Variants in UBE2Q2 observed in about 807,000 individuals in gnomAD.
The protein encoded by UBE2Q2 is ubiquitin conjugating enzyme E2 Q2, also known as ubiquitin-conjugating enzyme E2 Q2.
UBE2Q2 carries 54 observed loss-of-function variants against 59.9 expected under a neutral mutation model. That is an observed-to-expected ratio of 0.90 (90% CI 0.72 to 1.13). UBE2Q2 has a LOEUF of 1.13. Among genes scored for constraint, UBE2Q2 ranks in the 50% most tolerant of loss-of-function variants. The probability of loss-of-function intolerance (pLI) is 0.00; values close to 1 mark genes in which losing one functional copy is unlikely to be tolerated. For synonymous variants in UBE2Q2, 165 were observed against 155.2 expected, an observed-to-expected ratio of 1.06 and a Z score of -0.47; for missense variants, 433 against 441.9, an observed-to-expected ratio of 0.98 and a Z score of 0.18.
At chr15:75,846,397 C>T (rs1160774512) in intron 1 of UBE2Q2, among the ~76,000 whole-genome samples, 1 of 152,008 alleles carries the variant, frequency 6.6e-6, no homozygotes, top group African/African-American at 2.4e-5. Flanking sequence ...GCCGCCACAC[C>T]CGGCTAATTT....
At chr15:75,885,878 T>A (rs1478300550) in intron 9 of UBE2Q2, among the ~76,000 whole-genome samples, 3 of 152,238 alleles carry the variant, frequency 2.0e-5, no homozygotes, top group Non-Finnish European at 4.4e-5. Flanking sequence ...AAAAAGTACT[T>A]CTTTTGTCAT....
At chr15:75,891,953 A>G (rs775693381) in intron 11 of UBE2Q2, among the ~76,000 whole-genome samples, 3 of 152,246 alleles carry the variant, frequency 2.0e-5, no homozygotes, top group South Asian at 2.1e-4. Context: ...ACCTATTTCT[A>G]TGATCAGGAA....
intron 11 of UBE2Q2, among the ~76,000 whole-genome samples, chr15:75,894,440 T>G (rs535468716): frequency 1.3e-5 from 2 of 152,078 alleles, no homozygotes; most frequent in African/African-American, 4.8e-5. Flanking sequence ...GAAAATTAGC[T>G]GGGCATCGTG....
At chr15:75,873,036 ATAGTTTAAAC>A (rs1229596946) in intron 4 of UBE2Q2, among the ~76,000 whole-genome samples, 1 of 152,192 alleles carries the variant, frequency 6.6e-6, no homozygotes, top group Non-Finnish European at 1.5e-5. Context: ...ATTAGTGTTT[ATAGTTTAAAC>A]TAGTTTCTTA....
chr15:75,881,425 A>G (rs1898422389), intron 8 of UBE2Q2, among the ~76,000 whole-genome samples: 1 of 152,030 alleles, frequency 6.6e-6, no homozygotes, highest in Admixed American at 6.6e-5. Flanking sequence ...TGGGAGGTAA[A>G]TGGCTGAATT....
intron 5 of UBE2Q2, among the ~76,000 whole-genome samples, chr15:75,875,015 C>T (rs910841075): frequency 6.3e-4 from 96 of 152,284 alleles, no homozygotes; most frequent in African/African-American, 2.3e-3. Context: ...GAAATTTAGT[C>T]AAGCCCCCAT....
At chr15:75,894,123 T>C (rs561640068) in intron 11 of UBE2Q2, among the ~76,000 whole-genome samples, 1 of 152,340 alleles carries the variant, frequency 6.6e-6, no homozygotes, top group East Asian at 1.9e-4. Context: ...AAATTAAAAC[T>C]GCAGAATATC....
At chr15:75,874,399 T>C (rs1168681571) in intron 5 of UBE2Q2, among the ~76,000 whole-genome samples, 1 of 151,776 alleles carries the variant, frequency 6.6e-6, no homozygotes, top group Non-Finnish European at 1.5e-5. Flanking sequence ...TTCTCCTGCC[T>C]CACCCTCCTG....
chr15:75,881,055 G>A (rs1431602978), intron 8 of UBE2Q2, among the ~76,000 whole-genome samples: 2 of 152,004 alleles, frequency 1.3e-5, no homozygotes, highest in Admixed American at 1.3e-4. Context: ...TAAAATATGA[G>A]TCTGGTATAT....
chr15:75,887,408 C>T (rs1203968882), intron 9 of UBE2Q2, among the ~76,000 whole-genome samples: 1 of 152,046 alleles, frequency 6.6e-6, no homozygotes, highest in Non-Finnish European at 1.5e-5. Flanking sequence ...GAAAAGTAAA[C>T]ACAATCAGTT....
intron 1 of UBE2Q2, among the ~76,000 whole-genome samples, chr15:75,845,262 G>T (rs190450057): frequency 7.9e-4 from 120 of 152,296 alleles, no homozygotes; most frequent in African/African-American, 2.7e-3. Context: ...GCTGGCGGAA[G>T]GGCATTTTAG....
intron 5 of UBE2Q2, among the ~76,000 whole-genome samples, chr15:75,875,303 C>G (rs2141622924): frequency 6.6e-6 from 1 of 152,156 alleles, no homozygotes; most frequent in South Asian, 2.1e-4. Flanking sequence ...TGATTTTTCC[C>G]CCCTTCAAAG....
At chr15:75,853,768 A>G (rs1174150573) in intron 1 of UBE2Q2, among the ~76,000 whole-genome samples, 1 of 152,084 alleles carries the variant, frequency 6.6e-6, no homozygotes, top group African/African-American at 2.4e-5. Context: ...TGATCATCCT[A>G]AGGCAGGATA....
At chr15:75,859,823 A>G in intron 2 of UBE2Q2, 55 bp from the exon 3 acceptor site, 2 of 1,276,232 alleles carry the variant, frequency 1.6e-6, no homozygotes, top group Non-Finnish European at 2.2e-6. Flanking sequence ...AACATTATTG[A>G]TGTCTTCTAA....
In UBE2Q2 at chr15:75,854,849, G is replaced by A. The variant is rs557167436; in HGVS notation, c.282+362G>A. Among the ~76,000 whole-genome samples the A allele has an allele frequency of 9.2e-5, 14 of 152,238 alleles. No individual in the cohort carries two copies. In the South Asian group the frequency reaches 2.7e-3, roughly 29 times the overall value. On this transcript the variant is annotated intron_variant, in intron 2 of 12. Coordinates refer to ENST00000267938, the MANE Select transcript of UBE2Q2 (RefSeq NM_173469.4). Reference sequence around the variant, plus strand: ...GAATGACACCAGAACTAGTATGAGGGAATTGCCTTTTCTTTCAAGGGTCTG... The same window carrying A: ...GAATGACACCAGAACTAGTATGAGGAAATTGCCTTTTCTTTCAAGGGTCTG...
At chr15:75,868,346 T>A (rs1567026837) in intron 3 of UBE2Q2, among the ~76,000 whole-genome samples, 1 of 152,236 alleles carries the variant, frequency 6.6e-6, no homozygotes, top group Non-Finnish European at 1.5e-5. Flanking sequence ...ACTTGATAAA[T>A]TGTAAATTGT....
At chr15:75,876,565 G>A (rs546966136) in intron 6 of UBE2Q2, among the ~76,000 whole-genome samples, 16 of 152,262 alleles carry the variant, frequency 1.1e-4, no homozygotes, top group African/African-American at 3.6e-4. Flanking sequence ...AAGCATGAGC[G>A]ATATTGCTTG....
intron 1 of UBE2Q2, chr15:75,844,567 G>C: frequency 4.2e-6 from 6 of 1,444,400 alleles, no homozygotes; most frequent in Non-Finnish European, 4.7e-6. Context: ...ATACGCGCCA[G>C]GGCTGCTCCC....
Position 75,876,268 on chromosome 15 carries a change from A to G in UBE2Q2, c.670A>G (p.Thr224Ala). ...CATATACAGATCACAGAGTTATAAA[A>G]CAGGTAAGGATCTCTGGATCCCTGC... Reference protein sequence around the residue: ...RDIYRSQSYKTGIYSVELIND... With the variant: ...RDIYRSQSYKAGIYSVELIND... The change falls in exon 6 of 13, where the codon ACA (threonine) becomes GCA (alanine). Residue 224 changes from threonine to alanine, a missense_variant. Coordinates refer to ENST00000267938, the MANE Select transcript of UBE2Q2 (RefSeq NM_173469.4). 6.2e-7 allele frequency: 1 copy of G among 1,612,754 alleles called. No homozygotes were observed. The highest frequency in any genetic ancestry group is 1.3e-5 in the African/African-American group (1 of 74,952).
Sources: allele counts gnomAD v4.1 joint callset (sites outside exome capture counted in the v4.1 genomes callset), GRCh38; gene constraint gnomAD v4.1.1; transcripts MANE v1.5; gene names NCBI Gene and HGNC (gene_info 2026-07-23, HGNC 2026-07-21).